CST9: variants seen among roughly 807,000 people sequenced by gnomAD.
CST9 encodes the protein cystatin 9.
In CST9, 11 loss-of-function variants were observed where a neutral mutation model predicts 7.7. The observed-to-expected ratio is 1.44, with a 90% CI of 0.90 to 2.38. The LOEUF (loss-of-function observed/expected upper bound fraction) is 2.38. Among genes scored for constraint, CST9 ranks in the 30% most tolerant of loss-of-function variants. The pLI is 0.00. For synonymous variants in CST9, 71 were observed against 74.3 expected (o/e 0.96, Z 0.23); for missense variants, 214 against 199.1 (o/e 1.07, Z -0.45).
At position 23,603,087 on chromosome 20, in the gene CST9, A is replaced by T; in HGVS notation, c.*423T>A. 4 of 1,031,696 alleles carry T rather than the reference A, an allele frequency of 3.9e-6. No homozygotes were observed. The highest frequency in any genetic ancestry group is 4.7e-6 in the Non-Finnish European group (4 of 859,306). 63.9% of individuals were successfully genotyped at this position (1,031,696 alleles called of 1,614,324 possible). ...TAGTTACCTATTTGTTAATCTTACA[A>T]TAAGGGGGTTGACTAAGAATGGGAA... On this transcript the variant is annotated 3_prime_UTR_variant, in exon 2 of 2. Coordinates refer to ENST00000376971, the MANE Select transcript of CST9 (RefSeq NM_001008693.3).
chr20:23,604,216 T>C (rs750510347), intron 1 of CST9, among the ~76,000 whole-genome samples: 1 of 152,084 alleles, frequency 6.6e-6, no homozygotes, highest in Non-Finnish European at 1.5e-5. Context: ...CACACAGCGC[T>C]CCCACTACAC....
rs747942067 is a variant in CST9, at chr20:23,603,734, A to T, written c.256T>A (p.Trp86Arg). 5.0e-6 allele frequency: 8 copies of T among 1,614,140 alleles called. No homozygotes were observed. The highest frequency in any genetic ancestry group is 6.8e-6 in the Non-Finnish European group (8 of 1,180,012). The change falls in exon 2 of 2, where the codon TGG (tryptophan) becomes AGG (arginine). Residue 86 changes from tryptophan (W) to arginine (R), a missense_variant and splice_region_variant. Coordinates refer to ENST00000376971, the MANE Select transcript of CST9 (RefSeq NM_001008693.3). Reference sequence around the variant, plus strand: ...ATGGAGAACACCATCTTACCTCGCCACTGTTGGACAAAAGAAGATTAAAGT... The same window carrying T: ...ATGGAGAACACCATCTTACCTCGCCTCTGTTGGACAAAAGAAGATTAAAGT... ...SWREDSMDRK[W>R]RGKMVFSMNL...
In CST9 at chr20:23,605,839, G is replaced by A. The variant is rs985865599; in HGVS notation, c.26C>T (p.Ala9Val). Residue 9 changes from alanine to valine, a missense_variant, in exon 1 of 2, where the codon GCT becomes GTT. Ala to Val is a moderately conservative substitution (Grantham distance 64). Coordinates refer to ENST00000376971, the MANE Select transcript of CST9 (RefSeq NM_001008693.3). MSSPQRRK[A>V]MPWALSLLLM... ...AAGCAGTGACAGTGCCCAGGGCATA[G>A]CCTTCCTCCTCTGCGGACTCGACAT... The A allele has an allele frequency of 6.2e-7, 1 of 1,614,192 alleles. No individual in the cohort carries two copies. The highest frequency in any genetic ancestry group is 8.5e-7 in the Non-Finnish European group (1 of 1,180,038).
intron 1 of CST9, 140 bp from the exon 2 acceptor site, chr20:23,603,874 A>C: frequency 2.3e-6 from 2 of 865,786 alleles, no homozygotes; most frequent in Non-Finnish European, 3.6e-6. Flanking sequence ...GCATCAGCTC[A>C]CTGGAGGTGA....
Position 23,603,056 on chromosome 20 carries a change from G to A in CST9, c.*454C>T, listed in dbSNP as rs8113899. 1.1e-3 allele frequency: 1,099 copies of A among 1,014,268 alleles called. 5 individuals are homozygous for A. Among genetic ancestry groups the A allele is most frequent in the Middle Eastern group, 7.9e-3 (16 of 2,014 alleles). The allele number at this position is 1,014,268 out of a possible 1,614,324, so 62.8% of individuals were successfully genotyped here. On this transcript the variant is annotated 3_prime_UTR_variant, in exon 2 of 2. Transcript: ENST00000376971. Reference sequence around the variant, plus strand: ...CCAGTGGAAGCAGTTCCCAGACTTAGGCAATTAGTTACCTATTTGTTAATC... The same window carrying A: ...CCAGTGGAAGCAGTTCCCAGACTTAAGCAATTAGTTACCTATTTGTTAATC...
chr20:23,605,464 T>C, intron 1 of CST9, 146 bp downstream of exon 1: 1 of 930,008 alleles, frequency 1.1e-6, no homozygotes, highest in Admixed American at 2.4e-5. Context: ...TTCAATGTTT[T>C]CCAAAACTAA....
Position 23,602,669 on chromosome 20 carries a change from A to T in CST9, c.*841T>A. On this transcript the variant is annotated 3_prime_UTR_variant, in exon 2 of 2. Coordinates refer to ENST00000376971, the MANE Select transcript of CST9 (RefSeq NM_001008693.3). ...CAGGTCTTGTTCAGGAGTTCAAAAT[A>T]TGTCTTCCAGGGCATGGTTTCAACA... 1 of 985,114 alleles carries T rather than the reference A, an allele frequency of 1.0e-6. No homozygotes were observed. The highest frequency in any genetic ancestry group is 1.2e-6 in the Non-Finnish European group (1 of 829,738). The allele number at this position is 985,114 out of a possible 1,614,324, so 61.0% of individuals were successfully genotyped here.
In CST9 at chr20:23,603,727, C is replaced by A. The variant is rs1427486365; in HGVS notation, c.263G>T (p.Gly88Val). The change falls in exon 2 of 2, where the codon GGT becomes GTT. Residue 88 changes from glycine (G) to valine (V), a missense_variant. Physicochemically the swap from Gly to Val is moderately radical, Grantham distance 109. Transcript: ENST00000376971. ...REDSMDRKWR[G>V]KMVFSMNLQL... The stretch of plus-strand genomic sequence containing the variant: ...CAGATTCATGGAGAACACCATCTTA[C>A]CTCGCCACTGTTGGACAAAAGAAGA... 7 of 1,614,234 alleles carry A rather than the reference C, an allele frequency of 4.3e-6. No individual in the cohort carries two copies. In the Admixed American group the frequency reaches 1.2e-4, roughly 27 times the overall value.
chr20:23,603,706 T>A lies in CST9; in HGVS notation c.284A>T (p.Asn95Ile). The part of the protein sequence containing the change: ...KWRGKMVFSM[N>I]LQLRQTVCRK... The stretch of plus-strand genomic sequence containing the variant: ...ACATACGGTTTGGCGCAGTTGCAGA[T>A]TCATGGAGAACACCATCTTACCTCG... Residue 95 changes from asparagine to isoleucine, a missense_variant, in exon 2 of 2, where the codon AAT becomes ATT. Asn to Ile is a moderately radical substitution (Grantham distance 149). Transcript: ENST00000376971. The A allele has an allele frequency of 6.2e-7, 1 of 1,614,254 alleles. No individual in the cohort carries two copies. Among genetic ancestry groups the A allele is most frequent in the Non-Finnish European group, 8.5e-7 (1 of 1,180,046 alleles).
chr20:23,605,554 C>T, intron 1 of CST9, 56 bp downstream of exon 1: 1 of 1,578,660 alleles, frequency 6.3e-7, no homozygotes. Flanking sequence ...ACATCTTGGT[C>T]CCTCACTTAG....
rs761342879 is a variant in CST9, at chr20:23,603,496, A to T, written c.*14T>A. The T allele has an allele frequency of 1.9e-6, 3 of 1,613,596 alleles. No homozygotes were observed. Among genetic ancestry groups the T allele is most frequent in the South Asian group, 1.1e-5 (1 of 90,974 alleles). On this transcript the variant is annotated 3_prime_UTR_variant, in exon 2 of 2. Coordinates refer to ENST00000376971, the MANE Select transcript of CST9 (RefSeq NM_001008693.3). ...AGGCACAAGCAGGGCAGCCTGGTAC[A>T]GCCTGCTGTGGGCTCACTTCCCTTT...
chr20:23,604,799 G>C (rs568119976), intron 1 of CST9, among the ~76,000 whole-genome samples: 41 of 152,348 alleles, frequency 2.7e-4, no homozygotes, highest in African/African-American at 9.6e-4. Context: ...AGTCTTTCCA[G>C]AGCTTAAGCT....
intron 1 of CST9, among the ~76,000 whole-genome samples, chr20:23,603,990 C>A (rs1978693402): frequency 6.6e-6 from 1 of 152,164 alleles, no homozygotes; most frequent in Non-Finnish European, 1.5e-5. Context: ...AACACATTAT[C>A]CACCTCCACC....
In CST9 at chr20:23,603,381, T is replaced by C; in HGVS notation, c.*129A>G. 7.5e-6 allele frequency: 11 copies of C among 1,458,064 alleles called. No individual in the cohort carries two copies. Among genetic ancestry groups the C allele is most frequent in the Non-Finnish European group, 9.9e-6 (11 of 1,108,620 alleles). 90.3% of individuals were successfully genotyped at this position (1,458,064 alleles called of 1,614,324 possible). A position where few individuals can be genotyped will look rare whatever the true frequency, so the allele number is the denominator to read the frequency against. ...GTGGCCCAGGTGCAGGCAGCTGCAA[T>C]GGTGTCAGAGGGCAGAATCAGGAAA... is the stretch of plus-strand genomic sequence containing the variant. On this transcript the variant is annotated 3_prime_UTR_variant, in exon 2 of 2. Coordinates refer to ENST00000376971, the MANE Select transcript of CST9 (RefSeq NM_001008693.3).
Position 23,603,802 on chromosome 20 carries a change from T to C in CST9, c.256-68A>G, listed in dbSNP as rs184618762. 5.2e-4 allele frequency: 784 copies of C among 1,514,928 alleles called. 3 individuals carry two copies. In the African/African-American group the frequency reaches 9.5e-3, roughly 18 times the overall value. The allele number at this position is 1,514,928 out of a possible 1,614,324, so 93.8% of individuals were successfully genotyped here. ...GCCCCTAAGTAGCTACTAGTGAAGA[T>C]GCCATTTGAGTAGGAGAGGCCCCAA... On this transcript the variant is annotated intron_variant, in intron 1 of 1. Transcript: ENST00000376971.
In CST9 at chr20:23,603,291, G is replaced by A; in HGVS notation, c.*219C>T. On this transcript the variant is annotated 3_prime_UTR_variant, in exon 2 of 2. Transcript: ENST00000376971. ...CAGACATTGTCACCATTGTCTCCAG[G>A]CTCTTTCTCTAGAAGGCAGGGAAGA... is the stretch of plus-strand genomic sequence containing the variant. 7.1e-7 allele frequency: 1 copy of A among 1,416,614 alleles called. No homozygotes were observed. Among genetic ancestry groups the A allele is most frequent in the Non-Finnish European group, 9.2e-7 (1 of 1,089,006 alleles). The allele number at this position is 1,416,614 out of a possible 1,614,324, so 87.8% of individuals were successfully genotyped here. A position where few individuals can be genotyped will look rare whatever the true frequency, so the allele number is the denominator to read the frequency against.
At position 23,603,128 on chromosome 20, in the gene CST9, G is replaced by A. The variant is rs1465405099; in HGVS notation, c.*382C>T. 9.5e-7 allele frequency: 1 copy of A among 1,047,868 alleles called. No homozygotes were observed. Among genetic ancestry groups the A allele is most frequent in the East Asian group, 8.3e-5 (1 of 11,984 alleles). The allele number at this position is 1,047,868 out of a possible 1,614,324, so 64.9% of individuals were successfully genotyped here. A position where few individuals can be genotyped will look rare whatever the true frequency, so the allele number is the denominator to read the frequency against. On this transcript the variant is annotated 3_prime_UTR_variant, in exon 2 of 2. Transcript: ENST00000376971. ...AGAATGGGAAGTTTTCCCAGAGCCA[G>A]GCTTTGCTTGGAGCTCGTCCCCTAG...
chr20:23,603,174 A>G lies in CST9; in HGVS notation c.*336T>C, dbSNP rs910411834. On this transcript the variant is annotated 3_prime_UTR_variant, in exon 2 of 2. Coordinates refer to ENST00000376971, the MANE Select transcript of CST9 (RefSeq NM_001008693.3). Reference sequence around the variant, plus strand: ...CCTAGAGCAGGTGCTGCAGCTCAGCAGGGCCTAGGAGCGAGGGCAGTGGGG... The same window carrying G: ...CCTAGAGCAGGTGCTGCAGCTCAGCGGGGCCTAGGAGCGAGGGCAGTGGGG... 1 of 1,124,558 alleles carries G rather than the reference A, an allele frequency of 8.9e-7. No individual in the cohort carries two copies. 69.7% of individuals were successfully genotyped at this position (1,124,558 alleles called of 1,614,324 possible).
chr20:23,602,713 G>T lies in CST9; in HGVS notation c.*797C>A, dbSNP rs149389660. On this transcript the variant is annotated 3_prime_UTR_variant, in exon 2 of 2. Coordinates refer to ENST00000376971, the MANE Select transcript of CST9 (RefSeq NM_001008693.3). ...TTCAACAGTGAAGAAGCAGCTGAAG[G>T]TCCGAGGGAACAAACAGGAAGAGAC... 4.5e-5 allele frequency: 44 copies of T among 985,754 alleles called. 1 individual carries two copies. In the East Asian group the frequency reaches 3.1e-3, roughly 69 times the overall value. The allele number at this position is 985,754 out of a possible 1,614,324, so 61.1% of individuals were successfully genotyped here.
Sources: gnomAD v4.1 joint callset for allele counts (sites outside exome capture counted in the v4.1 genomes callset) on GRCh38, gnomAD v4.1.1 for gene constraint, MANE v1.5 for transcripts, NCBI Gene and HGNC (gene_info 2026-07-23, HGNC 2026-07-21) for gene names.